The following STK32B variants were observed in gnomAD, a reference collection of about 807,000 sequenced individuals.
The protein encoded by STK32B is serine/threonine kinase 32B, also known as serine/threonine-protein kinase 32B.
Under a neutral mutation model 52.6 loss-of-function variants are expected in STK32B, and 43 were observed. The ratio of observed to expected loss-of-function variants is 0.82; its 90% confidence interval spans 0.64 to 1.05. STK32B has a LOEUF of 1.05. Ranked by LOEUF, STK32B falls within the 50% of genes least tolerant of loss-of-function variation. The probability of loss-of-function intolerance (pLI) is 0.00; values close to 1 mark genes in which losing one functional copy is unlikely to be tolerated. For synonymous variants in STK32B, 238 were observed against 204.3 expected, an observed-to-expected ratio of 1.17 and a Z score of -1.41; for missense variants, 621 against 534.6, an observed-to-expected ratio of 1.16 and a Z score of -1.59.
chr4:5,336,571 C>T (rs1013602192), intron 4 of STK32B, among the ~76,000 whole-genome samples: 12 of 151,944 alleles, frequency 7.9e-5, no homozygotes, highest in African/African-American at 2.7e-4. Flanking sequence ...TTTTTAAATT[C>T]ATGGAATAAA....
chr4:5,149,866 C>A (rs1717204379), intron 2 of STK32B, among the ~76,000 whole-genome samples: 1 of 151,886 alleles, frequency 6.6e-6, no homozygotes, highest in Admixed American at 6.6e-5. Flanking sequence ...CATTTCCATT[C>A]AGCCTGAGGA....
chr4:5,232,242 T>C (rs1348909674), intron 3 of STK32B, among the ~76,000 whole-genome samples: 1 of 152,190 alleles, frequency 6.6e-6, no homozygotes, highest in Non-Finnish European at 1.5e-5. Context: ...GATAACATTA[T>C]TGAAATATTT....
chr4:5,154,706 G>A (rs764769508), intron 2 of STK32B, among the ~76,000 whole-genome samples: 6 of 152,128 alleles, frequency 3.9e-5, no homozygotes, highest in Non-Finnish European at 8.8e-5. Context: ...ATGGCTTCTG[G>A]GCTGCTGATC....
chr4:5,242,356 T>C (rs1447481461), intron 3 of STK32B, among the ~76,000 whole-genome samples: 1 of 152,272 alleles, frequency 6.6e-6, no homozygotes, highest in Non-Finnish European at 1.5e-5. Flanking sequence ...CATGTGTTTT[T>C]TGGCTGCATA....
intron 4 of STK32B, among the ~76,000 whole-genome samples, chr4:5,344,914 C>G (rs1577375396): frequency 1.3e-5 from 2 of 151,826 alleles, no homozygotes; most frequent in African/African-American, 2.4e-5. Context: ...TGGCAAAAAC[C>G]CATCTCTACA....
At chr4:5,341,146 A>G (rs1733048754) in intron 4 of STK32B, among the ~76,000 whole-genome samples, 1 of 152,198 alleles carries the variant, frequency 6.6e-6, no homozygotes. Flanking sequence ...ATGAGCACAT[A>G]TGGATTTCAT....
At chr4:5,178,024 C>T (rs1720058842) in intron 3 of STK32B, among the ~76,000 whole-genome samples, 1 of 152,228 alleles carries the variant, frequency 6.6e-6, no homozygotes, top group Non-Finnish European at 1.5e-5. Flanking sequence ...TGTCTTCTTA[C>T]AGCTCCACTA....
intron 3 of STK32B, among the ~76,000 whole-genome samples, chr4:5,295,456 T>C (rs1283099044): frequency 6.6e-6 from 1 of 151,470 alleles, no homozygotes; most frequent in Non-Finnish European, 1.5e-5. Context: ...TCAGAACTTG[T>C]TGTTGGTCTA....
At chr4:5,206,322 C>T (rs1233651318) in intron 3 of STK32B, among the ~76,000 whole-genome samples, 2 of 152,196 alleles carry the variant, frequency 1.3e-5, no homozygotes, top group Non-Finnish European at 1.5e-5. Flanking sequence ...CAGTGGCTTC[C>T]ATGGGAGGGT....
chr4:5,493,796 T>G (rs1241454695), intron 11 of STK32B, among the ~76,000 whole-genome samples: 1 of 152,248 alleles, frequency 6.6e-6, no homozygotes, highest in Non-Finnish European at 1.5e-5. Context: ...TCTCATTGGT[T>G]TCAAAGAACA....
chr4:5,128,751 A>G (rs1470731366), intron 1 of STK32B, among the ~76,000 whole-genome samples: 2 of 152,214 alleles, frequency 1.3e-5, no homozygotes, highest in Non-Finnish European at 2.9e-5. Flanking sequence ...GGCCCTGGCC[A>G]GCCAGAATGG....
the STK32B span, among the ~76,000 whole-genome samples, chr4:5,027,611 T>C: frequency 6.6e-6 from 1 of 152,170 alleles, no homozygotes; most frequent in Middle Eastern, 3.2e-3. Context: ...GAAATAAACA[T>C]GAAAAGCTGG....
At chr4:5,228,937 A>G (rs2108803639) in intron 3 of STK32B, among the ~76,000 whole-genome samples, 1 of 152,320 alleles carries the variant, frequency 6.6e-6, no homozygotes, top group Non-Finnish European at 1.5e-5. Context: ...ATTGCACTCC[A>G]GCTTGGGTGA....
Position 5,466,881 on chromosome 4 carries a change from T to C in STK32B, c.1041+47T>C, listed in dbSNP as rs757965692. The C allele has an allele frequency of 2.3e-5, 36 of 1,590,700 alleles. No homozygotes were observed. In the East Asian group the frequency reaches 3.8e-4, roughly 17 times the overall value. ...TTCCGGGAGAGAAATCCTGTGCTCA[T>C]AGGGAAATGACTGAGCCAGGCCACT... is the stretch of plus-strand genomic sequence containing the variant. On this transcript the variant is annotated intron_variant, in intron 10 of 11. Transcript: ENST00000282908.
At chr4:5,160,879 G>C (rs1217001169) in intron 2 of STK32B, among the ~76,000 whole-genome samples, 4 of 152,178 alleles carry the variant, frequency 2.6e-5, no homozygotes, top group Admixed American at 2.6e-4. Context: ...GTCAGAGTTG[G>C]CTTAGTTGGT....
At chr4:5,041,171 T>C in the STK32B span, among the ~76,000 whole-genome samples, 1 of 152,104 alleles carries the variant, frequency 6.6e-6, no homozygotes. Context: ...TTCAGGGAAA[T>C]GGGTGGGTTC....
At chr4:5,300,400 C>G (rs1729480692) in intron 3 of STK32B, among the ~76,000 whole-genome samples, 2 of 152,156 alleles carry the variant, frequency 1.3e-5, no homozygotes, top group South Asian at 4.1e-4. Flanking sequence ...GTCACCACTA[C>G]TATTCCACAT....
At chr4:5,217,378 G>T (rs898044331) in intron 3 of STK32B, among the ~76,000 whole-genome samples, 2 of 152,204 alleles carry the variant, frequency 1.3e-5, no homozygotes, top group Non-Finnish European at 2.9e-5. Context: ...AACAATGAAG[G>T]TGAAGGAGGC....
chr4:5,158,059 TA>T (rs1718009526), intron 2 of STK32B, among the ~76,000 whole-genome samples: 1 of 152,186 alleles, frequency 6.6e-6, no homozygotes, highest in Admixed American at 6.5e-5. Context: ...ATCACTTTAT[TA>T]GGAGCTAAAT....
Sources: allele counts gnomAD v4.1 joint callset (sites outside exome capture counted in the v4.1 genomes callset), GRCh38; gene constraint gnomAD v4.1.1; transcripts MANE v1.5; gene names NCBI Gene and HGNC (gene_info 2026-07-23, HGNC 2026-07-21).